The following HYCC1 variants were observed in gnomAD, a reference collection of about 807,000 sequenced individuals.
HYCC1 encodes the protein hyccin.
the HYCC1 span, among the ~76,000 whole-genome samples, chr7:22,984,361 C>G: frequency 7.9e-5 from 12 of 152,152 alleles, no homozygotes; most frequent in Non-Finnish European, 1.3e-4. Context: ...TATACTTTAT[C>G]CTCTTATCAA....
chr7:22,977,453 C>T, the HYCC1 span: 14 of 1,234,616 alleles, frequency 1.1e-5, no homozygotes, highest in Non-Finnish European at 1.5e-5. Context: ...TATTAAAATA[C>T]ATACTTTCTT....
At chr7:23,005,639 G>A in the HYCC1 span, among the ~76,000 whole-genome samples, 1 of 151,822 alleles carries the variant, frequency 6.6e-6, no homozygotes, top group Non-Finnish European at 1.5e-5. Flanking sequence ...TATAAATTTG[G>A]GTCTCATCAT....
chr7:22,967,803 T>G, the HYCC1 span, among the ~76,000 whole-genome samples: 6 of 152,162 alleles, frequency 3.9e-5, no homozygotes, highest in Non-Finnish European at 4.4e-5. Flanking sequence ...CACATTTAGT[T>G]TGAATAGCTG....
At chr7:22,961,196 T>G in the HYCC1 span, 1 of 1,325,146 alleles carries the variant, frequency 7.5e-7, no homozygotes, top group Non-Finnish European at 1.1e-6. Context: ...TTGAGAAATC[T>G]TAAATTATAA....
At chr7:22,981,407 T>C in the HYCC1 span, among the ~76,000 whole-genome samples, 1 of 152,210 alleles carries the variant, frequency 6.6e-6, no homozygotes, top group Non-Finnish European at 1.5e-5. Flanking sequence ...TATCAACTTG[T>C]TAGGAATATT....
At chr7:22,994,320 AG>A in the HYCC1 span, among the ~76,000 whole-genome samples, 1 of 152,220 alleles carries the variant, frequency 6.6e-6, no homozygotes, top group Non-Finnish European at 1.5e-5. Context: ...GCAGGAAAAC[AG>A]AGTACATACT....
At chr7:22,911,763 T>C in the HYCC1 span, among the ~76,000 whole-genome samples, 1 of 152,108 alleles carries the variant, frequency 6.6e-6, no homozygotes, top group Non-Finnish European at 1.5e-5. Context: ...TATCAAAAAA[T>C]CGTAATAATA....
At chr7:22,990,449 T>A in the HYCC1 span, among the ~76,000 whole-genome samples, 2 of 152,330 alleles carry the variant, frequency 1.3e-5, no homozygotes, top group Non-Finnish European at 2.9e-5. Context: ...GCCCAAACTC[T>A]TCATTCCTGT....
At chr7:22,961,780 G>C in the HYCC1 span, among the ~76,000 whole-genome samples, 1 of 152,256 alleles carries the variant, frequency 6.6e-6, no homozygotes, top group East Asian at 1.9e-4. Flanking sequence ...TCACTTAGAA[G>C]TGTATTTGCT....
chr7:22,933,525 A>C, the HYCC1 span, among the ~76,000 whole-genome samples: 1 of 151,968 alleles, frequency 6.6e-6, no homozygotes, highest in Non-Finnish European at 1.5e-5. Flanking sequence ...ATGGTATAGC[A>C]CTTTGGATCC....
the HYCC1 span, among the ~76,000 whole-genome samples, chr7:22,924,101 C>A: frequency 6.7e-6 from 1 of 149,850 alleles, no homozygotes; most frequent in Non-Finnish European, 1.5e-5. Flanking sequence ...ATTGCTTGAA[C>A]CCAGGGGGTG....
chr7:22,946,046 T>C, the HYCC1 span: 4 of 1,613,662 alleles, frequency 2.5e-6, no homozygotes, highest in Middle Eastern at 1.6e-4. Flanking sequence ...GTTACTACAA[T>C]TGTGACTACT....
chr7:22,995,234 T>A, the HYCC1 span, among the ~76,000 whole-genome samples: 1 of 152,132 alleles, frequency 6.6e-6, no homozygotes, highest in African/African-American at 2.4e-5. Context: ...ATCACCATCA[T>A]CTATCAATCA....
chr7:22,952,578 G>A, the HYCC1 span, among the ~76,000 whole-genome samples: 1 of 151,964 alleles, frequency 6.6e-6, no homozygotes, highest in East Asian at 1.9e-4. Flanking sequence ...GCCATAGCAC[G>A]AAGTCTGGAT....
chr7:22,991,618 A>G, the HYCC1 span, among the ~76,000 whole-genome samples: 1 of 152,096 alleles, frequency 6.6e-6, no homozygotes, highest in Non-Finnish European at 1.5e-5. Context: ...TGTAATGTTC[A>G]TTTTTTAAAA....
the HYCC1 span, among the ~76,000 whole-genome samples, chr7:22,911,800 T>C: frequency 6.6e-6 from 1 of 152,192 alleles, no homozygotes; most frequent in Non-Finnish European, 1.5e-5. Context: ...TCGACTTCTC[T>C]GAAATGTTTC....
the HYCC1 span, among the ~76,000 whole-genome samples, chr7:22,914,332 T>G: frequency 6.6e-6 from 1 of 152,146 alleles, no homozygotes; most frequent in Admixed American, 6.5e-5. Context: ...CTTCTCCGTG[T>G]CTCTACCCTC....
At chr7:23,014,109 C>G in the HYCC1 span, 2 of 469,526 alleles carry the variant, frequency 4.3e-6, no homozygotes, top group Admixed American at 2.3e-5. Context: ...CCGGGAGAGC[C>G]ACCACTGCCG....
the HYCC1 span, chr7:22,976,725 A>T: frequency 6.2e-7 from 1 of 1,612,704 alleles, no homozygotes; most frequent in South Asian, 1.1e-5. Context: ...CCCTTTGAGG[A>T]TGAGGTCCAC....
Sources: allele counts gnomAD v4.1 joint callset (sites outside exome capture counted in the v4.1 genomes callset), GRCh38; gene constraint gnomAD v4.1.1; transcripts MANE v1.5; gene names NCBI Gene and HGNC (gene_info 2026-07-23, HGNC 2026-07-21).